GRAMD4: variants seen among roughly 807,000 people sequenced by gnomAD.
The protein encoded by GRAMD4 is GRAM domain-containing protein 4.
A neutral mutation model predicts 83.9 loss-of-function variants in GRAMD4; 25 were observed. That is an observed-to-expected ratio of 0.30 (90% CI 0.22 to 0.42). GRAMD4 has a LOEUF of 0.42. GRAMD4 is among the 10% of genes least tolerant of loss of function. The pLI, the probability that GRAMD4 is intolerant of heterozygous loss-of-function variation, is 1.00. For synonymous variants in GRAMD4, 336 were observed against 320.9 expected (o/e 1.05, Z -0.50); for missense variants, 593 against 788.7 (o/e 0.75, Z 2.97).
At chr22:46,625,980 C>G (rs776415006) in intron 1 of GRAMD4, among the ~76,000 whole-genome samples, 2 of 152,248 alleles carry the variant, frequency 1.3e-5, no homozygotes, top group Non-Finnish European at 2.9e-5. Flanking sequence ...GGGGCTGGGA[C>G]AGGAGGCCCA....
upstream of GRAMD4, chr22:46,620,311 C>G (rs1364287064): frequency 5.1e-6 from 5 of 985,622 alleles, no homozygotes; most frequent in South Asian, 2.3e-4. The surrounding 1 kb of genome is among the most constrained non-coding windows in gnomAD (Gnocchi z 4.7). Flanking sequence ...GGAGCCTGGC[C>G]GGGCGCCGCC....
chr22:46,673,936 G>T, intron 15 of GRAMD4, 122 bp downstream of exon 15: 1 of 1,042,716 alleles, frequency 9.6e-7, no homozygotes, highest in Admixed American at 1.9e-5. Context: ...CCTCAGGATG[G>T]CATTCACATC....
At chr22:46,675,838 C>T (rs534644850) in intron 17 of GRAMD4, among the ~76,000 whole-genome samples, 70 of 152,310 alleles carry the variant, frequency 4.6e-4, no homozygotes, top group Admixed American at 3.9e-3. Context: ...GTGTTCCCCT[C>T]GTATCTGGGA....
intron 15 of GRAMD4, 105 bp from the exon 16 acceptor site, chr22:46,674,549 CGGT>C: frequency 1.2e-6 from 1 of 818,566 alleles, no homozygotes; most frequent in East Asian, 2.4e-5. Context: ...GACGTGAGCG[CGGT>C]GGGCGGATGT....
intron 1 of GRAMD4, among the ~76,000 whole-genome samples, chr22:46,595,064 A>G (rs2081247979): frequency 6.6e-6 from 1 of 152,068 alleles, no homozygotes; most frequent in Non-Finnish European, 1.5e-5. Context: ...CGTCGAGGCA[A>G]AGCAGCAGGA....
chr22:46,676,661 C>T lies in GRAMD4; in HGVS notation c.1625C>T (p.Thr542Ile). 6.5e-7 allele frequency: 1 copy of T among 1,548,616 alleles called. No individual in the cohort carries two copies. Residue 542 changes from threonine to isoleucine, a missense_variant, in exon 18 of 19, where the codon ACC (threonine) becomes ATC (isoleucine). Thr to Ile is a moderately conservative substitution (Grantham distance 89). Coordinates refer to ENST00000406902, the MANE Select transcript of GRAMD4 (RefSeq NM_015124.5). ...GGGATTGCCGTGTCGACGCCATCCA[C>T]CCAGAAAGTAGGTGCCGGGCGGGGG... is the stretch of plus-strand genomic sequence containing the variant. ...GMGIAVSTPS[T>I]QKPLVFGAMV...
At position 46,679,146 on chromosome 22, in the gene GRAMD4, T is replaced by C. The variant is rs574438543; in HGVS notation, c.*1895T>C. On this transcript the variant is annotated 3_prime_UTR_variant, in exon 19 of 19. Transcript: ENST00000406902. The stretch of plus-strand genomic sequence containing the variant: ...CCCGCAGACAATGGCCACACCTCTC[T>C]CCCCAGGGCCCGGCAGTGCCCAAGG... 6.4e-4 allele frequency: 629 copies of C among 985,374 alleles called. 6 individuals carry two copies. The African/African-American group carries it at 9.9e-3, about 16-fold the overall frequency. The allele number at this position is 985,374 out of a possible 1,614,324, so 61.0% of individuals were successfully genotyped here. A position where few individuals can be genotyped will look rare whatever the true frequency, so the allele number is the denominator to read the frequency against.
chr22:46,599,787 C>G (rs955222133), intron 1 of GRAMD4, among the ~76,000 whole-genome samples: 6 of 152,212 alleles, frequency 3.9e-5, no homozygotes, highest in Non-Finnish European at 8.8e-5. Context: ...AACATGATGG[C>G]CCCACATGCC....
intron 1 of GRAMD4, among the ~76,000 whole-genome samples, chr22:46,624,883 C>T (rs532751157): frequency 4.5e-5 from 6 of 134,740 alleles, no homozygotes; most frequent in Non-Finnish European, 7.8e-5. Flanking sequence ...TTTTTTGAGA[C>T]AGAGTCTCGC....
At position 46,678,858 on chromosome 22, in the gene GRAMD4, T is replaced by G; in HGVS notation, c.*1607T>G. On this transcript the variant is annotated 3_prime_UTR_variant, in exon 19 of 19. Transcript: ENST00000406902. ...GGGGGGAGCTGCGCCGATCACCAGA[T>G]TAAGCACATGTCCTATCCCAGGCGG... is the stretch of plus-strand genomic sequence containing the variant. The G allele has an allele frequency of 1.0e-6, 1 of 986,022 alleles. No individual in the cohort carries two copies. 61.1% of individuals were successfully genotyped at this position (986,022 alleles called of 1,614,324 possible). A position where few individuals can be genotyped will look rare whatever the true frequency, so the allele number is the denominator to read the frequency against.
At chr22:46,632,052 T>C (rs961239327) in intron 2 of GRAMD4, among the ~76,000 whole-genome samples, 36 of 152,364 alleles carry the variant, frequency 2.4e-4, no homozygotes, top group African/African-American at 7.2e-4. Context: ...CCAAGCACCA[T>C]GTCCTCCAGG....
chr22:46,637,730 C>T, intron 2 of GRAMD4, 110 bp from the exon 3 acceptor site: 2 of 1,077,652 alleles, frequency 1.9e-6, no homozygotes, highest in Non-Finnish European at 2.7e-6. Flanking sequence ...GTCCCTTTCA[C>T]ATGCCACTGC....
chr22:46,582,172 C>T (rs896806322), intron 1 of GRAMD4, among the ~76,000 whole-genome samples: 1 of 152,060 alleles, frequency 6.6e-6, no homozygotes, highest in Non-Finnish European at 1.5e-5. Flanking sequence ...GAAGTGAGGT[C>T]CAAGGAGGCA....
chr22:46,654,392 G>A lies in GRAMD4; in HGVS notation c.284-3795G>A, dbSNP rs544641074. Among the ~76,000 whole-genome samples the A allele has an allele frequency of 1.1e-4, 17 of 152,336 alleles. No individual in the cohort carries two copies. The South Asian group carries it at 3.5e-3, about 32-fold the overall frequency. On this transcript the variant is annotated intron_variant, in intron 3 of 18. Transcript: ENST00000406902. ...CCACCCAGGCACCCTCTCAGGGCAG[G>A]GTGTTGTCCCCTCTGTTCATGGTGG...
upstream of GRAMD4, chr22:46,620,349 T>C: frequency 1.0e-6 from 1 of 985,478 alleles, no homozygotes; most frequent in Non-Finnish European, 1.2e-6. This position sits in a 1 kb window ranked among gnomAD's most constrained non-coding sequence, Gnocchi z 4.7. Flanking sequence ...TGGGAGAACC[T>C]GGACAGCCGT....
At chr22:46,580,347 CTT>C (rs144537895) in intron 1 of GRAMD4, among the ~76,000 whole-genome samples, 1 of 152,338 alleles carries the variant, frequency 6.6e-6, no homozygotes, top group African/African-American at 2.4e-5. Flanking sequence ...CTTGGGGTCT[CTT>C]TGGCACCACG....
Position 46,645,797 on chromosome 22 carries a change from C to T in GRAMD4, c.283+7837C>T, listed in dbSNP as rs562679555. On this transcript the variant is annotated intron_variant, in intron 3 of 18. Transcript: ENST00000406902. Reference sequence around the variant, plus strand: ...AAGAAGCACATAAATAAATTAAAAGCATCATGCGTTTTTATTTAGCCCAAA... The same window carrying T: ...AAGAAGCACATAAATAAATTAAAAGTATCATGCGTTTTTATTTAGCCCAAA... 3.3e-5 allele frequency among the ~76,000 whole-genome samples: 5 copies of T among 152,290 alleles called. No homozygotes were observed. In the South Asian group the frequency reaches 8.3e-4, roughly 25 times the overall value.
Position 46,679,773 on chromosome 22 carries a change from T to C in GRAMD4, c.*2522T>C, listed in dbSNP as rs1192213688. The C allele has an allele frequency of 9.2e-6, 9 of 982,506 alleles. No homozygotes were observed. Among genetic ancestry groups the C allele is most frequent in the Non-Finnish European group, 1.1e-5 (9 of 827,116 alleles). The allele number at this position is 982,506 out of a possible 1,614,324, so 60.9% of individuals were successfully genotyped here. On this transcript the variant is annotated 3_prime_UTR_variant, in exon 19 of 19. Coordinates refer to ENST00000406902, the MANE Select transcript of GRAMD4 (RefSeq NM_015124.5). Reference sequence around the variant, plus strand: ...AATTTTTATTTAAATAAACCTAAAATGCTTTGTGCTAAGGCTCAGGGCTGT... The same window carrying C: ...AATTTTTATTTAAATAAACCTAAAACGCTTTGTGCTAAGGCTCAGGGCTGT...
Position 46,658,278 on chromosome 22 carries a change from G to A in GRAMD4, c.375G>A (p.Glu125=), listed in dbSNP as rs1601651309. Residue 125 remains glutamate (E), a synonymous_variant, in exon 4 of 19, where the codon GAG becomes GAA. Transcript: ENST00000406902. ...DRERQRRMEL[E]QKVQEVLKAR... ...AGCGGCAGCGGCGGATGGAGCTGGA[G>A]CAGAAGGTGCAGGAGGTGCTGAAGG... is the stretch of plus-strand genomic sequence containing the variant. 1.2e-6 allele frequency: 2 copies of A among 1,612,700 alleles called. No individual in the cohort carries two copies. Among genetic ancestry groups the A allele is most frequent in the East Asian group, 2.2e-5 (1 of 44,868 alleles).
Sources: allele counts gnomAD v4.1 joint callset (sites outside exome capture counted in the v4.1 genomes callset), GRCh38; gene constraint gnomAD v4.1.1; non-coding constraint Gnocchi (gnomAD v3.1); transcripts MANE v1.5; gene names NCBI Gene and HGNC (gene_info 2026-07-23, HGNC 2026-07-21).